DLG1: variants seen among roughly 807,000 people sequenced by gnomAD.
The protein encoded by DLG1 is disks large homolog 1.
In DLG1, 42 loss-of-function variants were observed where a neutral mutation model predicts 123.4. The ratio of observed to expected loss-of-function variants is 0.34; its 90% CI spans 0.27 to 0.44. The LOEUF (loss-of-function observed/expected upper bound fraction) is 0.44, where lower values mean the gene tolerates loss of function less well. Among genes scored for constraint, DLG1 ranks in the 20% least tolerant of loss-of-function variants. The pLI, the probability that DLG1 is intolerant of heterozygous loss-of-function variation, is 1.00. For missense variants in DLG1, 942 were observed against 1,082.6 expected, an observed-to-expected ratio of 0.87 and a Z score of 1.82; for synonymous variants, 317 against 356.2, an observed-to-expected ratio of 0.89 and a Z score of 1.24.
chr3:197,268,978 C>T (rs972594745), intron 4 of DLG1, among the ~76,000 whole-genome samples: 1 of 152,122 alleles, frequency 6.6e-6, no homozygotes, highest in Non-Finnish European at 1.5e-5. Context: ...ACTGAAAGGT[C>T]TTCAGAGGCA....
intron 3 of DLG1, among the ~76,000 whole-genome samples, chr3:197,294,842 TTTC>T (rs1481593891): frequency 1.3e-5 from 2 of 152,124 alleles, no homozygotes; most frequent in Non-Finnish European, 2.9e-5. Context: ...ACGATTTAAT[TTTC>T]TTAAGTTACA....
chr3:197,189,192 C>T (rs901820071), intron 5 of DLG1, among the ~76,000 whole-genome samples: 2 of 152,082 alleles, frequency 1.3e-5, no homozygotes, highest in Non-Finnish European at 2.9e-5. Flanking sequence ...TTTTCATGTC[C>T]AAAGATTACT....
intron 15 of DLG1, among the ~76,000 whole-genome samples, chr3:197,088,841 G>C (rs1225466758): frequency 6.6e-6 from 1 of 152,180 alleles, no homozygotes; most frequent in Non-Finnish European, 1.5e-5. Context: ...AAAATGAAGG[G>C]CTGCAGAAGA....
At chr3:197,268,789 T>C (rs1762739102) in intron 4 of DLG1, among the ~76,000 whole-genome samples, 1 of 152,118 alleles carries the variant, frequency 6.6e-6, no homozygotes, top group African/African-American at 2.4e-5. Context: ...TGTATAGAGG[T>C]ACAAAATTTT....
chr3:197,183,781 G>T (rs1249157924), intron 5 of DLG1: 14 of 1,550,390 alleles, frequency 9.0e-6, no homozygotes, highest in Non-Finnish European at 1.1e-5. Context: ...GAGTATAGAA[G>T]TGTGTTGTTT....
At chr3:197,052,377 C>T (rs190680803) in intron 23 of DLG1, among the ~76,000 whole-genome samples, 97 of 152,156 alleles carry the variant, frequency 6.4e-4, no homozygotes, top group Non-Finnish European at 3.2e-4. Context: ...ATCGCTTGAA[C>T]CCAGGAGGCA....
At chr3:197,090,828 T>C (rs1262268812) in intron 15 of DLG1, 84 bp downstream of exon 15, 1 of 783,254 alleles carries the variant, frequency 1.3e-6, no homozygotes, top group Admixed American at 2.4e-5. Context: ...ACGGTAAAAC[T>C]AAGTAAGTTA....
chr3:197,254,232 C>T (rs2150892841), intron 4 of DLG1, among the ~76,000 whole-genome samples: 2 of 152,280 alleles, frequency 1.3e-5, no homozygotes, highest in East Asian at 3.9e-4. Context: ...GTGTAGCAGG[C>T]TGAGAATGGG....
chr3:197,283,925 G>A (rs1770589784), intron 3 of DLG1, among the ~76,000 whole-genome samples: 1 of 139,516 alleles, frequency 7.2e-6, no homozygotes, highest in East Asian at 2.2e-4. Context: ...GCAGTGGTAT[G>A]ATCTTGGCTC....
At chr3:197,160,031 A>C (rs535929837) in intron 5 of DLG1, among the ~76,000 whole-genome samples, 1 of 152,208 alleles carries the variant, frequency 6.6e-6, no homozygotes, top group South Asian at 2.1e-4. Flanking sequence ...GTCTATCTTC[A>C]GTGTTACAGA....
chr3:197,268,104 A>G (rs1762447929), intron 4 of DLG1, among the ~76,000 whole-genome samples: 1 of 152,232 alleles, frequency 6.6e-6, no homozygotes, highest in African/African-American at 2.4e-5. Flanking sequence ...TCCAAAAAAC[A>G]GGAGAGGTGA....
intron 18 of DLG1, 27 bp from the exon 19 acceptor site, chr3:197,069,287 A>G (rs924460228): frequency 3.3e-5 from 51 of 1,540,226 alleles, no homozygotes; most frequent in Middle Eastern, 1.7e-4. Flanking sequence ...ATGAAAAAAA[A>G]TAAAACAGTG....
At chr3:197,109,610 G>A (rs1409754394) in intron 13 of DLG1, among the ~76,000 whole-genome samples, 1 of 152,152 alleles carries the variant, frequency 6.6e-6, no homozygotes, top group Non-Finnish European at 1.5e-5. Context: ...ATTTCTTCAT[G>A]TGGATTTGAG....
In DLG1 at chr3:197,221,473, C is replaced by T. The variant is rs538305458; in HGVS notation, c.319-26884G>A. On this transcript the variant is annotated intron_variant, in intron 4 of 24. Coordinates refer to ENST00000667157, the MANE Select transcript of DLG1 (RefSeq NM_001366207.1). ...AGGTGGAGGTTGCAGTGAACCGAGC[C>T]GAGGCTGCACCACTGCACTCCAGCC... 1.7e-3 allele frequency among the ~76,000 whole-genome samples: 265 copies of T among 151,484 alleles called. 2 individuals carry two copies. The highest frequency in any genetic ancestry group is 6.0e-3 in the African/African-American group (247 of 41,272).
At chr3:197,272,393 GT>G (rs912945850) in intron 4 of DLG1, among the ~76,000 whole-genome samples, 39 of 152,066 alleles carry the variant, frequency 2.6e-4, no homozygotes, top group African/African-American at 8.7e-4. Context: ...CTGTGCTGTT[GT>G]TTTTATTAGG....
chr3:197,217,556 T>C (rs1734745525), intron 4 of DLG1, among the ~76,000 whole-genome samples: 3 of 152,208 alleles, frequency 2.0e-5, no homozygotes, highest in African/African-American at 7.2e-5. Flanking sequence ...ACAAACATCT[T>C]CACAAACAAA....
intron 4 of DLG1, among the ~76,000 whole-genome samples, chr3:197,198,926 T>C (rs1724100112): frequency 6.6e-6 from 1 of 152,164 alleles, no homozygotes. Flanking sequence ...GAGGGAGAAA[T>C]GATGCTAATG....
At chr3:197,221,860 C>T (rs1196319902) in intron 4 of DLG1, among the ~76,000 whole-genome samples, 1 of 152,174 alleles carries the variant, frequency 6.6e-6, no homozygotes, top group Non-Finnish European at 1.5e-5. Context: ...GGGACACGTT[C>T]CAGGACCTCC....
chr3:197,160,845 CA>C (rs573222216), intron 5 of DLG1, among the ~76,000 whole-genome samples: 6 of 150,096 alleles, frequency 4.0e-5, no homozygotes, highest in East Asian at 1.9e-4. Flanking sequence ...TCAATAATGG[CA>C]AAAAAAAATC....
Sources: gnomAD v4.1 joint callset for allele counts (sites outside exome capture counted in the v4.1 genomes callset) on GRCh38, gnomAD v4.1.1 for gene constraint, MANE v1.5 for transcripts, NCBI Gene and HGNC (gene_info 2026-07-23, HGNC 2026-07-21) for gene names.